EMG1: variants seen among roughly 807,000 people sequenced by gnomAD.
EMG1 encodes the protein ribosomal RNA small subunit methyltransferase NEP1.
In EMG1, 24 loss-of-function variants were observed where a neutral mutation model predicts 26.9. That is an observed-to-expected ratio of 0.89 (90% confidence interval 0.65 to 1.26). The LOEUF is 1.26. EMG1 is among the 50% of genes most tolerant of loss of function. EMG1 has a pLI of 0.00. For missense variants in EMG1, 299 were observed against 307.6 expected, an observed-to-expected ratio of 0.97 and a Z score of 0.21; for synonymous variants, 140 against 112.6, an observed-to-expected ratio of 1.24 and a Z score of -1.54.
chr12:6,981,205 G>A (rs1228789656), downstream of EMG1: 2 of 1,577,964 alleles, frequency 1.3e-6, no homozygotes, highest in African/African-American at 2.7e-5. Flanking sequence ...GAGAATGCAT[G>A]GTTCAGGATA....
At chr12:6,981,748 A>C, downstream of EMG1, 5 of 1,465,616 alleles carry the variant, frequency 3.4e-6, no homozygotes, top group Non-Finnish European at 3.8e-6. Context: ...GTGCCGAGGA[A>C]GTTTTTAGTG....
downstream of EMG1, chr12:6,981,423 G>C (rs79400390): frequency 3.1e-3 from 2,331 of 759,860 alleles, 39 homozygotes; most frequent in African/African-American, 0.034. Context: ...GCTGGATCCT[G>C]GGCAAATTAG....
At chr12:6,974,105 TC>T (rs1447304538) in intron 1 of EMG1, among the ~76,000 whole-genome samples, 1 of 152,234 alleles carries the variant, frequency 6.6e-6, no homozygotes, top group Non-Finnish European at 1.5e-5. Context: ...CCTGTTTCCC[TC>T]TCAGACCATT....
chr12:6,978,723 T>G lies in EMG1; in HGVS notation c.*2914T>G. On this transcript the variant is annotated 3_prime_UTR_variant, in exon 6 of 6. Coordinates refer to ENST00000599672, the MANE Select transcript of EMG1 (RefSeq NM_006331.8). ...AAGAAAGCACAGTGCATTAGGGATA[T>G]CACATGACTAGGCAGTTTCTCTCAG... 1 of 1,611,374 alleles carries G rather than the reference T, an allele frequency of 6.2e-7. No individual in the cohort carries two copies. Among genetic ancestry groups the G allele is most frequent in the Non-Finnish European group, 8.5e-7 (1 of 1,178,690 alleles).
Position 6,987,105 on chromosome 12 carries a change from CTG to C in EMG1, c.*155-675_*155-674del, listed in dbSNP as rs1946536479. Among the ~76,000 whole-genome samples the C allele has an allele frequency of 6.9e-6, 1 of 144,356 alleles. No individual in the cohort carries two copies. Among genetic ancestry groups the C allele is most frequent in the African/African-American group, 2.9e-5 (1 of 34,764 alleles). 94.7% of individuals were successfully genotyped at this position (144,356 alleles called of 152,430 possible). A position where few individuals can be genotyped will look rare whatever the true frequency, so the allele number is the denominator to read the frequency against. ...TCCAGCTTGGGCAACGAGCAAGATT[CTG>C]TCTCAAAAAAAAAAGAAAAAAAAGT... On this transcript the variant is annotated intron_variant and NMD_transcript_variant, in intron 6 of 7. Transcript: ENST00000261406. This position sits in a 1 kb window ranked among gnomAD's most constrained non-coding sequence, Gnocchi z 4.1.
In EMG1 at chr12:6,977,045, C is replaced by T. The variant is rs1438479231; in HGVS notation, c.*1236C>T. 3.6e-6 allele frequency: 3 copies of T among 833,102 alleles called. No individual in the cohort carries two copies. The highest frequency in any genetic ancestry group is 3.3e-5 in the African/African-American group (2 of 59,718). 51.6% of individuals were successfully genotyped at this position (833,102 alleles called of 1,614,324 possible). A position where few individuals can be genotyped will look rare whatever the true frequency, so the allele number is the denominator to read the frequency against. On this transcript the variant is annotated 3_prime_UTR_variant, in exon 6 of 6. Transcript: ENST00000599672. This position sits in a 1 kb window ranked among gnomAD's most constrained non-coding sequence, Gnocchi z 4.5. ...TAGCCAGGCTAATCCTTGGAATTCA[C>T]CCCAGATTTCTAATACTATTGTTTT... is the stretch of plus-strand genomic sequence containing the variant.
chr12:6,971,172 A>T (rs1555152212), intron 1 of EMG1, 81 bp downstream of exon 1: 28 of 1,221,872 alleles, frequency 2.3e-5, no homozygotes, highest in Non-Finnish European at 3.3e-5. Flanking sequence ...CCCAGAGTGG[A>T]TGTAGAAAGC....
chr12:6,974,985 A>C, intron 3 of EMG1, 105 bp from the exon 4 acceptor site: 1 of 1,161,076 alleles, frequency 8.6e-7, no homozygotes. Context: ...CTAGATATAA[A>C]GCACACAGGG....
downstream of EMG1, among the ~76,000 whole-genome samples, chr12:6,991,028 C>T (rs782742943): frequency 2.0e-5 from 3 of 150,176 alleles, no homozygotes; most frequent in Admixed American, 1.3e-4. Flanking sequence ...ATATAAATAA[C>T]ATACTTTAAA....
rs1411785263 is a variant in EMG1, at chr12:6,985,647, A to G, written c.*155-2135A>G. 5.4e-3 allele frequency among the ~76,000 whole-genome samples: 817 copies of G among 150,674 alleles called. 8 individuals are homozygous for G. The highest frequency in any genetic ancestry group is 0.019 in the African/African-American group (767 of 41,030). On this transcript the variant is annotated intron_variant and NMD_transcript_variant, in intron 6 of 7. Coordinates refer to the EMG1 transcript ENST00000261406. Reference sequence around the variant, plus strand: ...GGAGAATCACTTGAACCTGGGAGGCAGAGTTTGCAGTGAGCTGAGATCGTG... The same window carrying G: ...GGAGAATCACTTGAACCTGGGAGGCGGAGTTTGCAGTGAGCTGAGATCGTG...
At chr12:6,974,160 G>C (rs1377058396) in intron 1 of EMG1, among the ~76,000 whole-genome samples, 179 bp from the exon 2 acceptor site, 1 of 152,206 alleles carries the variant, frequency 6.6e-6, no homozygotes, top group African/African-American at 2.4e-5. Flanking sequence ...CCCCCGAAGG[G>C]CTTGCTGGGC....
Position 6,975,311 on chromosome 12 carries a change from A to G in EMG1, c.554A>G (p.Asp185Gly). The G allele has an allele frequency of 6.2e-7, 1 of 1,611,078 alleles. No homozygotes were observed. The highest frequency in any genetic ancestry group is 8.5e-7 in the Non-Finnish European group (1 of 1,178,348). ...TCTTTTTCCATCCCGGTTGTCAGTG[A>G]TGTGCGTGAGCTGGTGCCCAGCAGT... ...GTSFSIPVVS[D>G]VRELVPSSDP... Residue 185 changes from aspartate (D) to glycine (G), a missense_variant, in exon 5 of 6, where the codon GAT (aspartate) becomes GGT (glycine). Asp to Gly is a moderately conservative substitution (Grantham distance 94, BLOSUM62 -1). Transcript: ENST00000599672.
At position 6,976,653 on chromosome 12, in the gene EMG1, G is replaced by A. The variant is rs1047123643; in HGVS notation, c.*844G>A. 2 of 154,072 alleles carry A rather than the reference G, an allele frequency of 1.3e-5. No homozygotes were observed. Among genetic ancestry groups the A allele is most frequent in the Admixed American group, 6.4e-5 (1 of 15,604 alleles). 9.5% of individuals were successfully genotyped at this position (154,072 alleles called of 1,614,324 possible). A position where few individuals can be genotyped will look rare whatever the true frequency, so the allele number is the denominator to read the frequency against. On this transcript the variant is annotated 3_prime_UTR_variant, in exon 6 of 6. Coordinates refer to ENST00000599672, the MANE Select transcript of EMG1 (RefSeq NM_006331.8). Reference sequence around the variant, plus strand: ...CAGGAAAATCACTTGAACCCAGGAGGTGGAGGTTGCGGTGAGCTGAGATCC... The same window carrying A: ...CAGGAAAATCACTTGAACCCAGGAGATGGAGGTTGCGGTGAGCTGAGATCC...
Position 6,977,998 on chromosome 12 carries a change from G to A in EMG1, c.*2189G>A. 1 of 570,404 alleles carries A rather than the reference G, an allele frequency of 1.8e-6. No individual in the cohort carries two copies. The highest frequency in any genetic ancestry group is 2.0e-5 in the South Asian group (1 of 49,088). 35.3% of individuals were successfully genotyped at this position (570,404 alleles called of 1,614,324 possible). ...GTGACTGAGGCTGATGCTGAGATCA[G>A]TGGTGAACCAGACACTCTACTCAAG... On this transcript the variant is annotated 3_prime_UTR_variant, in exon 6 of 6. Coordinates refer to ENST00000599672, the MANE Select transcript of EMG1 (RefSeq NM_006331.8). This position sits in a 1 kb window ranked among gnomAD's most constrained non-coding sequence, Gnocchi z 4.5.
At chr12:6,995,566 C>A (rs2138347811) in intron 7 of EMG1, among the ~76,000 whole-genome samples, 1 of 152,252 alleles carries the variant, frequency 6.6e-6, no homozygotes, top group African/African-American at 2.4e-5. Context: ...GTCTCTCTCA[C>A]CATCACTGTC....
chr12:6,981,212 G>A, downstream of EMG1: 2 of 1,564,722 alleles, frequency 1.3e-6, no homozygotes, highest in South Asian at 2.4e-5. Context: ...CATGGTTCAG[G>A]ATAGCCTTGA....
chr12:6,986,218 C>T (rs1160971280), intron 6 of EMG1, among the ~76,000 whole-genome samples: 7 of 152,192 alleles, frequency 4.6e-5, no homozygotes, highest in African/African-American at 1.7e-4. Context: ...TCTGCCACTG[C>T]TGAGATGGCA....
In EMG1 at chr12:6,975,958, A is replaced by G. The variant is rs776674291; in HGVS notation, c.*149A>G. 1.6e-5 allele frequency: 10 copies of G among 606,652 alleles called. No individual in the cohort carries two copies. Among genetic ancestry groups the G allele is most frequent in the Admixed American group, 1.2e-4 (4 of 34,668 alleles). 37.6% of individuals were successfully genotyped at this position (606,652 alleles called of 1,614,324 possible). On this transcript the variant is annotated 3_prime_UTR_variant, in exon 6 of 6. Coordinates refer to ENST00000599672, the MANE Select transcript of EMG1 (RefSeq NM_006331.8). The stretch of plus-strand genomic sequence containing the variant: ...TGTACATTTGCTATTTGTTTATCCT[A>G]TGAATACTGTTCTTGCAAACCTGGT...
chr12:6,975,362 C>A lies in EMG1; in HGVS notation c.605C>A (p.Ala202Asp), dbSNP rs971421303. The A allele has an allele frequency of 1.2e-6, 2 of 1,601,438 alleles. No individual in the cohort carries two copies. Among genetic ancestry groups the A allele is most frequent in the Non-Finnish European group, 1.7e-6 (2 of 1,173,482 alleles). The change falls in exon 5 of 6, where the codon GCC becomes GAC. Residue 202 changes from alanine to aspartate, a missense_variant. Ala to Asp is a moderately radical substitution (Grantham distance 126, BLOSUM62 -2). Coordinates refer to ENST00000599672, the MANE Select transcript of EMG1 (RefSeq NM_006331.8). ...SSDPIVFVVG[A>D]FAHGKVSVEY... is the part of the protein sequence containing the mutation. ...GATCCTATTGTTTTTGTGGTAGGGG[C>A]CTTTGCCCATGGCAAGGTAAGGTCT...
Sources: gnomAD v4.1 joint callset for allele counts (sites outside exome capture counted in the v4.1 genomes callset) on GRCh38, gnomAD v4.1.1 for gene constraint, Gnocchi (gnomAD v3.1) non-coding constraint, MANE v1.5 for transcripts, NCBI Gene and HGNC (gene_info 2026-07-23, HGNC 2026-07-21) for gene names.